Variants in ABCG2 observed in about 807,000 individuals in gnomAD.
The protein encoded by ABCG2 is ATP binding cassette subfamily G member 2 (JR blood group).
A neutral mutation model predicts 73.5 loss-of-function variants in ABCG2; 80 were observed. That is an observed-to-expected ratio of 1.09 (90% CI 0.91 to 1.31). The LOEUF (loss-of-function observed/expected upper bound fraction) is 1.31, where lower values mean the gene tolerates loss of function less well. Ranked by LOEUF, ABCG2 falls within the 50% of genes most tolerant of loss-of-function variation. The pLI is 0.00. For synonymous variants in ABCG2, 269 were observed against 282.4 expected (o/e 0.95, Z 0.48); for missense variants, 796 against 786.2 (o/e 1.01, Z -0.15).
chr4:88,114,874 C>T (rs1032339667), intron 8 of ABCG2, 83 bp downstream of exon 8: 2 of 862,072 alleles, frequency 2.3e-6, no homozygotes, highest in African/African-American at 3.4e-5. Context: ...ATTCACAAAG[C>T]CACATTTTAA....
chr4:88,156,101 A>G (rs1289600280), intron 1 of ABCG2, among the ~76,000 whole-genome samples: 1 of 151,822 alleles, frequency 6.6e-6, no homozygotes, highest in Admixed American at 6.6e-5. Context: ...GAGTCCGGGC[A>G]TGATAGCTCA....
chr4:88,199,340 T>C (rs184593398), intron 1 of ABCG2, among the ~76,000 whole-genome samples: 91 of 152,222 alleles, frequency 6.0e-4, no homozygotes, highest in Non-Finnish European at 3.2e-4. Flanking sequence ...AACTACAGAT[T>C]CAGGAAACTC....
intron 1 of ABCG2, among the ~76,000 whole-genome samples, chr4:88,221,667 C>T (rs1245935956): frequency 1.3e-5 from 2 of 152,156 alleles, no homozygotes; most frequent in Admixed American, 6.5e-5. Flanking sequence ...GTAAAGGTCA[C>T]TCTTGCTATG....
intron 11 of ABCG2, among the ~76,000 whole-genome samples, chr4:88,100,879 A>G (rs1384105965): frequency 6.6e-6 from 1 of 151,954 alleles, no homozygotes; most frequent in Admixed American, 6.6e-5. Flanking sequence ...AACAAAATAT[A>G]CTTTTCAGTC....
intron 1 of ABCG2, among the ~76,000 whole-genome samples, chr4:88,213,899 T>C (rs1729698925): frequency 1.3e-5 from 2 of 151,434 alleles, no homozygotes; most frequent in African/African-American, 4.9e-5. Context: ...GCAAGGATGG[T>C]CTTGATCTCC....
At chr4:88,140,127 T>C (rs866740620) in intron 1 of ABCG2, 113 bp from the exon 2 acceptor site, 8 of 869,386 alleles carry the variant, frequency 9.2e-6, no homozygotes, top group Middle Eastern at 3.5e-4. Flanking sequence ...AATGAGCAGC[T>C]TCATTTCCAA....
chr4:88,140,650 AT>A (rs1036301550), intron 1 of ABCG2, among the ~76,000 whole-genome samples: 4 of 151,802 alleles, frequency 2.6e-5, no homozygotes, highest in Non-Finnish European at 5.9e-5. Flanking sequence ...AAGAAACTCT[AT>A]TTTTTTTAAT....
rs36080532 is a variant in ABCG2 at position 88,230,324 on chromosome 4, C to CAT, written c.-20+668_-20+669dup. Among the ~76,000 whole-genome samples the CAT allele has an allele frequency of 4.2e-4, 52 of 123,450 alleles. 2 individuals are homozygous for CAT. In the Middle Eastern group the frequency reaches 0.013, roughly 31 times the overall value. 81.0% of individuals were successfully genotyped at this position (123,450 alleles called of 152,430 possible). On this transcript the variant is annotated intron_variant, in intron 1 of 15. Coordinates refer to the ABCG2 transcript ENST00000515655. ...ATATATATATTTTTTTTTTTGGCCA[C>CAT]ATATATATATATATATATATATTTT...
At chr4:88,219,447 G>A (rs903790232) in intron 1 of ABCG2, among the ~76,000 whole-genome samples, 1 of 152,174 alleles carries the variant, frequency 6.6e-6, no homozygotes, top group Non-Finnish European at 1.5e-5. Context: ...AGGCTTCCCT[G>A]AGGACATGCT....
intron 1 of ABCG2, among the ~76,000 whole-genome samples, chr4:88,221,271 T>C (rs940516114): frequency 2.6e-5 from 4 of 151,768 alleles, no homozygotes; most frequent in Admixed American, 6.6e-5. Context: ...TGTCTCAAAA[T>C]AAATACATAA....
At chr4:88,229,820 T>C (rs558863414) in intron 1 of ABCG2, among the ~76,000 whole-genome samples, 1 of 152,102 alleles carries the variant, frequency 6.6e-6, no homozygotes, top group Non-Finnish European at 1.5e-5. Context: ...ACAAGGAACA[T>C]ACTGCATTTA....
intron 5 of ABCG2, 142 bp downstream of exon 5, chr4:88,130,918 AC>A: frequency 1.1e-6 from 1 of 947,166 alleles, no homozygotes; most frequent in East Asian, 2.5e-5. Flanking sequence ...ATATTATGTA[AC>A]AAGCCACTTT....
At chr4:88,220,323 A>C (rs1046275987) in intron 1 of ABCG2, among the ~76,000 whole-genome samples, 2 of 152,158 alleles carry the variant, frequency 1.3e-5, no homozygotes, top group African/African-American at 4.8e-5. Flanking sequence ...TTGGGTATAT[A>C]TCTAGAAGTG....
chr4:88,101,452 G>A, intron 10 of ABCG2, 133 bp from the exon 11 acceptor site: 1 of 765,078 alleles, frequency 1.3e-6, no homozygotes, highest in Non-Finnish European at 2.2e-6. Flanking sequence ...TGTTCTGGTT[G>A]GAACAGGGAA....
rs771660934 is a variant in ABCG2 at position 88,121,778 on chromosome 4, A to G, written c.546T>C (p.Phe182=). The G allele has an allele frequency of 1.2e-6, 2 of 1,612,662 alleles. No homozygotes were observed. The highest frequency in any genetic ancestry group is 1.7e-6 in the Non-Finnish European group (2 of 1,179,580). Residue 182 remains phenylalanine (F), a synonymous_variant, in exon 6 of 16, where the codon TTT becomes TTC. Transcript: ENST00000237612. ...KVADSKVGTQ[F]IRGVSGGERK... ...TTTCTCCTCCAGACACACCACGGATAAACTGAGTTCCAACCTAAATCACAA... is the reference window on the plus strand; with the variant it reads ...TTTCTCCTCCAGACACACCACGGATGAACTGAGTTCCAACCTAAATCACAA...
rs139884402 is a variant in ABCG2 at position 88,205,655 on chromosome 4, C to G, written c.-20+25339G>C. Among the ~76,000 whole-genome samples the G allele has an allele frequency of 9.9e-3, 1,475 of 148,610 alleles. 22 individuals are homozygous for G. Among genetic ancestry groups the G allele is most frequent in the African/African-American group, 0.033 (1,367 of 41,050 alleles). ...ACCTCTAACCTTACTTTATCTTAGC[C>G]CTTTATCATTTTATCTTTTATTTAT... is the stretch of plus-strand genomic sequence containing the variant. On this transcript the variant is annotated intron_variant, in intron 1 of 15. Transcript: ENST00000515655.
intron 1 of ABCG2, among the ~76,000 whole-genome samples, chr4:88,218,875 A>G (rs1729907649): frequency 6.6e-6 from 1 of 152,212 alleles, no homozygotes; most frequent in Non-Finnish European, 1.5e-5. Context: ...AAGGCCAGAT[A>G]GTGAATATTT....
chr4:88,191,378 T>TA (rs1168862162), intron 1 of ABCG2, among the ~76,000 whole-genome samples: 6 of 151,434 alleles, frequency 4.0e-5, no homozygotes, highest in Non-Finnish European at 8.8e-5. Flanking sequence ...AGCCATTAGG[T>TA]AAATACAAAT....
At chr4:88,129,329 C>T (rs1724675327) in intron 5 of ABCG2, among the ~76,000 whole-genome samples, 1 of 152,068 alleles carries the variant, frequency 6.6e-6, no homozygotes, top group South Asian at 2.1e-4. Context: ...AGTAATCAGA[C>T]AATTCACTCT....
Sources: gnomAD v4.1 joint callset for allele counts (sites outside exome capture counted in the v4.1 genomes callset) on GRCh38, gnomAD v4.1.1 for gene constraint, MANE v1.5 for transcripts, NCBI Gene and HGNC (gene_info 2026-07-23, HGNC 2026-07-21) for gene names.